The following ABCB1 variants were observed in gnomAD, a reference collection of about 807,000 sequenced individuals.
ABCB1 encodes the protein ATP binding cassette subfamily B member 1, also known as ATP-dependent translocase ABCB1.
A neutral mutation model predicts 142.0 loss-of-function variants in ABCB1; 69 were observed. The ratio of observed to expected loss-of-function variants is 0.49; its 90% CI spans 0.40 to 0.59. The LOEUF is 0.59. ABCB1 is among the 20% of genes least tolerant of loss of function. The pLI is 0.00. For missense variants in ABCB1, 1,326 were observed against 1,554.7 expected, an observed-to-expected ratio of 0.85 and a Z score of 2.47; for synonymous variants, 532 against 539.2, an observed-to-expected ratio of 0.99 and a Z score of 0.18.
At chr7:87,619,282 A>G (rs1366328251) in intron 1 of ABCB1, among the ~76,000 whole-genome samples, 1 of 152,056 alleles carries the variant, frequency 6.6e-6, no homozygotes, top group Non-Finnish European at 1.5e-5. Flanking sequence ...GCTCACACCC[A>G]TAATCTCAGC....
chr7:87,593,207 G>A (rs953538068), intron 3 of ABCB1, among the ~76,000 whole-genome samples: 8 of 152,166 alleles, frequency 5.3e-5, no homozygotes, highest in Non-Finnish European at 1.0e-4. Flanking sequence ...GATTACAGGC[G>A]TGAGCCACAG....
chr7:87,546,357 G>C (rs1309045179), intron 14 of ABCB1, among the ~76,000 whole-genome samples: 2 of 152,106 alleles, frequency 1.3e-5, no homozygotes, highest in Non-Finnish European at 2.9e-5. Context: ...GGGAGGCCAA[G>C]GTGGGTGGAT....
At chr7:87,519,993 C>G (rs887516948) in intron 22 of ABCB1, among the ~76,000 whole-genome samples, 8 of 152,076 alleles carry the variant, frequency 5.3e-5, no homozygotes, top group African/African-American at 1.9e-4. Flanking sequence ...AGGAGAAGCA[C>G]TAAATTCTTC....
chr7:87,616,180 C>T (rs899513604), intron 1 of ABCB1, among the ~76,000 whole-genome samples: 5 of 152,042 alleles, frequency 3.3e-5, no homozygotes, highest in Non-Finnish European at 5.9e-5. Flanking sequence ...GTCTATTACT[C>T]GGAATAATAA....
chr7:87,700,875 G>T (rs1429202668), intron 1 of ABCB1, among the ~76,000 whole-genome samples: 2 of 152,202 alleles, frequency 1.3e-5, no homozygotes, highest in Non-Finnish European at 2.9e-5. Flanking sequence ...CACAATGGTG[G>T]ATAAAACTGT....
At chr7:87,505,772 T>C in intron 27 of ABCB1, 125 bp downstream of exon 27, 1 of 1,203,744 alleles carries the variant, frequency 8.3e-7, no homozygotes. Context: ...AGTGTTTACA[T>C]TTTACTGAAA....
intron 1 of ABCB1, chr7:87,710,479 T>G (rs193005465): frequency 1.4e-6 from 1 of 695,688 alleles, no homozygotes; most frequent in East Asian, 2.9e-5. Flanking sequence ...TTTGAATGGC[T>G]GTTCTTTACA....
chr7:87,542,786 G>A (rs1418336055), intron 17 of ABCB1, among the ~76,000 whole-genome samples: 1 of 151,918 alleles, frequency 6.6e-6, no homozygotes, highest in Non-Finnish European at 1.5e-5. Context: ...AAGTTTTAAT[G>A]GAACACAGTC....
At chr7:87,642,027 TG>T (rs1404766138) in intron 1 of ABCB1, among the ~76,000 whole-genome samples, 4 of 151,992 alleles carry the variant, frequency 2.6e-5, no homozygotes, top group African/African-American at 9.7e-5. Context: ...AATTTATACG[TG>T]GACGATATGC....
intron 1 of ABCB1, among the ~76,000 whole-genome samples, chr7:87,696,972 T>C (rs1043349888): frequency 2.0e-5 from 3 of 152,186 alleles, no homozygotes; most frequent in Non-Finnish European, 2.9e-5. Flanking sequence ...TTTTCTCTCC[T>C]CCAAAACAGG....
At chr7:87,516,730 C>A in intron 23 of ABCB1, 65 bp from the exon 24 acceptor site, 6 of 1,087,480 alleles carry the variant, frequency 5.5e-6, no homozygotes, top group East Asian at 3.7e-5. Context: ...AGCTGACACT[C>A]CTTTTTTTTT....
At chr7:87,537,777 T>C (rs1225822995) in intron 19 of ABCB1, among the ~76,000 whole-genome samples, 1 of 152,222 alleles carries the variant, frequency 6.6e-6, no homozygotes, top group Non-Finnish European at 1.5e-5. Context: ...AAGATTTTCT[T>C]TGTAAAACCA....
intron 1 of ABCB1, among the ~76,000 whole-genome samples, chr7:87,707,641 T>A (rs1175374875): frequency 6.6e-6 from 1 of 151,902 alleles, no homozygotes; most frequent in Non-Finnish European, 1.5e-5. Flanking sequence ...ACCACTGCAC[T>A]CCAGCCTGGG....
chr7:87,527,880 CT>C (rs908844929), intron 21 of ABCB1, among the ~76,000 whole-genome samples: 28 of 152,208 alleles, frequency 1.8e-4, no homozygotes, highest in African/African-American at 6.5e-4. Flanking sequence ...TGTTCTCATG[CT>C]GCTAATAAAG....
intron 1 of ABCB1, among the ~76,000 whole-genome samples, chr7:87,664,378 C>T (rs772202880): frequency 1.4e-4 from 22 of 152,156 alleles, no homozygotes; most frequent in Admixed American, 2.6e-4. Flanking sequence ...ACCAAAATTA[C>T]TTTACTTACA....
In ABCB1 at chr7:87,536,477, T is replaced by C. The variant is rs1334428451; in HGVS notation, c.2462A>G (p.Asp821Gly). 6.2e-7 allele frequency: 1 copy of C among 1,613,854 alleles called. No homozygotes were observed. The highest frequency in any genetic ancestry group is 8.5e-7 in the Non-Finnish European group (1 of 1,179,896). The change falls in exon 20 of 28, where the codon GAT (aspartate) becomes GGT (glycine). Residue 821 changes from aspartate (D) to glycine (G), a missense_variant. Coordinates refer to ENST00000622132, the MANE Select transcript of ABCB1 (RefSeq NM_001348946.2). ...TGALTTRLAN[D>G]AAQVKGAIGS... ...ACGTACCCCTTTAACTTGAGCAGCA[T>C]CATTGGCGAGCCTGGTAGTCAATGC...
At chr7:87,506,420 T>C (rs575740666) in intron 26 of ABCB1, among the ~76,000 whole-genome samples, 1 of 152,352 alleles carries the variant, frequency 6.6e-6, no homozygotes, top group Admixed American at 6.5e-5. Flanking sequence ...GAAGCTCATC[T>C]TACTTGTAAC....
At chr7:87,571,511 C>A (rs1032284511) in intron 4 of ABCB1, among the ~76,000 whole-genome samples, 1 of 151,244 alleles carries the variant, frequency 6.6e-6, no homozygotes, top group Non-Finnish European at 1.5e-5. Flanking sequence ...GAAAAGAAAG[C>A]AAATACTTAT....
At chr7:87,684,844 G>C (rs528896343) in intron 1 of ABCB1, among the ~76,000 whole-genome samples, 2 of 146,130 alleles carry the variant, frequency 1.4e-5, no homozygotes, top group East Asian at 4.1e-4. Flanking sequence ...CTAATGCAAA[G>C]ACAATTTCAT....
Sources: allele counts gnomAD v4.1 joint callset (sites outside exome capture counted in the v4.1 genomes callset), GRCh38; gene constraint gnomAD v4.1.1; transcripts MANE v1.5; gene names NCBI Gene and HGNC (gene_info 2026-07-23, HGNC 2026-07-21).